Variants in PHLPP1 observed in about 807,000 individuals in gnomAD.
PHLPP1 encodes PH domain and leucine rich repeat protein phosphatase 1, also known as PH domain leucine-rich repeat-containing protein phosphatase 1.
Under a neutral mutation model 117.2 loss-of-function variants are expected in PHLPP1, and 42 were observed. The ratio of observed to expected loss-of-function variants is 0.36; its 90% CI spans 0.28 to 0.46. The LOEUF (loss-of-function observed/expected upper bound fraction) is 0.46, where lower values mean the gene tolerates loss of function less well. Among genes scored for constraint, PHLPP1 ranks in the 20% least tolerant of loss-of-function variants. PHLPP1 has a pLI of 1.00. For synonymous variants in PHLPP1, 1,042 were observed against 970.7 expected (o/e 1.07, Z -1.37); for missense variants, 2,084 against 2,241.9 (o/e 0.93, Z 1.42).
At chr18:62,938,994 C>CTTTCTTTTTTTTTTTTTTT (rs368316862) in intron 10 of PHLPP1, among the ~76,000 whole-genome samples, 1 of 128,680 alleles carries the variant, frequency 7.8e-6, no homozygotes, top group South Asian at 2.4e-4. Context: ...TTCTTTCTTT[C>CTTTCTTTTTTTTTTTTTTT]TTTTTTTTTT....
At chr18:62,875,849 C>T (rs535476077) in intron 4 of PHLPP1, among the ~76,000 whole-genome samples, 58 of 152,190 alleles carry the variant, frequency 3.8e-4, no homozygotes, top group Middle Eastern at 6.8e-3. Flanking sequence ...TCTCCTGCCT[C>T]AGCCTCCTGA....
intron 6 of PHLPP1, among the ~76,000 whole-genome samples, chr18:62,897,688 C>G (rs656993): frequency 0.59 from 89,909 of 151,752 alleles, 26,910 homozygotes; most frequent in Middle Eastern, 0.69. Flanking sequence ...TGTATTTTTA[C>G]TGAAGACAGG....
chr18:62,880,388 T>G (rs1419692657), intron 4 of PHLPP1, among the ~76,000 whole-genome samples: 8 of 152,218 alleles, frequency 5.3e-5, no homozygotes, highest in Non-Finnish European at 1.0e-4. Context: ...GTTTTCCTTT[T>G]TATATATCTT....
Position 62,860,070 on chromosome 18 carries a change from A to G in PHLPP1, c.1900-365A>G, listed in dbSNP as rs1295647097. On this transcript the variant is annotated intron_variant, in intron 3 of 16. Transcript: ENST00000262719. ...ACACCTAGGCTATTGCTCCTAGGTT[A>G]CAAACCTGTGTAGCATGTTACTGTA... Among the ~76,000 whole-genome samples, 3 of 152,220 alleles carry G rather than the reference A, an allele frequency of 2.0e-5. No homozygotes were observed. The East Asian group carries it at 5.8e-4, about 29-fold the overall frequency.
At position 62,895,045 on chromosome 18, in the gene PHLPP1, A is replaced by T; in HGVS notation, c.2101A>T (p.Asn701Tyr). 1 of 1,612,520 alleles carries T rather than the reference A, an allele frequency of 6.2e-7. No homozygotes were observed. The highest frequency in any genetic ancestry group is 8.5e-7 in the Non-Finnish European group (1 of 1,179,000). ...TKLKSLNLSN[N>Y]HLGDFPLAVC... ...GTTGAAGAGTCTTAACCTTTCCAAT[A>T]ATCATTTAGGGGACTTCCCACTGGC... Residue 701 changes from asparagine to tyrosine, a missense_variant, in exon 5 of 17, where the codon AAT becomes TAT. Transcript: ENST00000262719.
intron 1 of PHLPP1, among the ~76,000 whole-genome samples, chr18:62,802,005 CG>C (rs144866400): frequency 0.036 from 5,533 of 151,788 alleles, 107 homozygotes; most frequent in Middle Eastern, 0.075. Context: ...TTTTTTTAAC[CG>C]TTTTTTCCTT....
intron 1 of PHLPP1, among the ~76,000 whole-genome samples, chr18:62,802,236 G>GAGGAGC (rs1913807848): frequency 1.3e-5 from 2 of 152,210 alleles, no homozygotes; most frequent in African/African-American, 4.8e-5. Context: ...CAAAGAAAGG[G>GAGGAGC]AGGAGCATGG....
intron 6 of PHLPP1, among the ~76,000 whole-genome samples, chr18:62,900,725 A>C (rs1916703481): frequency 6.6e-6 from 1 of 152,122 alleles, no homozygotes; most frequent in African/African-American, 2.4e-5. Flanking sequence ...TGGTAGGATT[A>C]CAGAGTTTGA....
intron 12 of PHLPP1, among the ~76,000 whole-genome samples, chr18:62,957,676 C>T (rs369788270): frequency 1.3e-4 from 19 of 150,332 alleles, no homozygotes; most frequent in African/African-American, 4.4e-4. Flanking sequence ...GGCCAGAATG[C>T]AGTGGTGTGG....
chr18:62,837,995 G>T (rs1855667893), intron 2 of PHLPP1: 1 of 151,880 alleles, frequency 6.6e-6, no homozygotes, highest in South Asian at 2.1e-4. Context: ...GGTGCATGCC[G>T]AGCAAATTAA....
intron 3 of PHLPP1, among the ~76,000 whole-genome samples, chr18:62,841,924 G>GT (rs1915063477): frequency 6.6e-6 from 1 of 152,104 alleles, no homozygotes; most frequent in Non-Finnish European, 1.5e-5. Context: ...GGGGTCAAGA[G>GT]TTTGAGTTTC....
chr18:62,852,534 G>A (rs897812657), intron 3 of PHLPP1, among the ~76,000 whole-genome samples: 2 of 151,964 alleles, frequency 1.3e-5, no homozygotes, highest in Non-Finnish European at 2.9e-5. Flanking sequence ...TAGTAGAGAC[G>A]GGGTTTCACT....
At chr18:62,897,173 G>T (rs1450806993) in intron 6 of PHLPP1, among the ~76,000 whole-genome samples, 1 of 152,186 alleles carries the variant, frequency 6.6e-6, no homozygotes, top group African/African-American at 2.4e-5. Flanking sequence ...CAGGTAGTAA[G>T]AATGAGATGA....
intron 4 of PHLPP1, among the ~76,000 whole-genome samples, chr18:62,862,392 T>G (rs146521506): frequency 1.3e-5 from 2 of 152,184 alleles, no homozygotes; most frequent in Non-Finnish European, 2.9e-5. Context: ...ATATCACCAC[T>G]GATCTTATCA....
At chr18:62,717,294 A>C in intron 1 of PHLPP1, 35 bp downstream of exon 1, 1 of 1,535,826 alleles carries the variant, frequency 6.5e-7, no homozygotes, top group South Asian at 1.3e-5. Context: ...GGTGGTTGCA[A>C]AAGCTGCCGA....
chr18:62,801,369 T>C (rs184531205), intron 1 of PHLPP1, among the ~76,000 whole-genome samples: 199 of 151,694 alleles, frequency 1.3e-3, no homozygotes, highest in African/African-American at 4.6e-3. Context: ...TTGTTCTGAG[T>C]AATTAATTTT....
At chr18:62,791,983 T>C (rs1195420054) in intron 1 of PHLPP1, among the ~76,000 whole-genome samples, 1 of 152,154 alleles carries the variant, frequency 6.6e-6, no homozygotes, top group Non-Finnish European at 1.5e-5. Flanking sequence ...TTTTCTCTCT[T>C]TCTGAATAAA....
At position 62,941,779 on chromosome 18, in the gene PHLPP1, G is replaced by A. The variant is rs747857590; in HGVS notation, c.3022G>A (p.Glu1008Lys). ...LESLPPATLSEETNSILQELY... is the reference protein window; with the variant it reads ...LESLPPATLSKETNSILQELY... The stretch of plus-strand genomic sequence containing the variant: ...AAGCCTTCCTCCAGCCACGCTTTCC[G>A]AAGAGACAAACAGTATCTTACAAGA... Residue 1008 changes from glutamate to lysine, a missense_variant, in exon 11 of 17, where the codon GAA becomes AAA. By Grantham distance (56) the Glu-to-Lys change is moderately conservative (BLOSUM62 1). Around this residue, in one of 2 missense-constraint regions of PHLPP1, gnomAD observed 1,365 missense variants for 1,605.9 expected, o/e 0.85. Transcript: ENST00000262719. 1.1e-5 allele frequency: 18 copies of A among 1,613,682 alleles called. No homozygotes were observed. The highest frequency in any genetic ancestry group is 3.3e-5 in the South Asian group (3 of 91,070).
chr18:62,956,215 C>T (rs763462098), intron 12 of PHLPP1, among the ~76,000 whole-genome samples: 5 of 152,146 alleles, frequency 3.3e-5, no homozygotes, highest in African/African-American at 7.2e-5. Context: ...ATTTCTTGCT[C>T]GCAGTTCTAG....
Sources: gnomAD v4.1 joint callset for allele counts (sites outside exome capture counted in the v4.1 genomes callset) on GRCh38, gnomAD v4.1.1 for gene constraint, gnomAD v4.1.1 regional missense constraint, MANE v1.5 for transcripts, NCBI Gene and HGNC (gene_info 2026-07-23, HGNC 2026-07-21) for gene names.